Variants in ADAMTS6 observed in about 807,000 individuals in gnomAD.
ADAMTS6 encodes ADAM metallopeptidase with thrombospondin type 1 motif 6.
In ADAMTS6, 23 loss-of-function variants were observed where a neutral mutation model predicts 144.3. The observed-to-expected ratio is 0.16, with a 90% CI of 0.11 to 0.23. The LOEUF (loss-of-function observed/expected upper bound fraction) is 0.23, where lower values mean the gene tolerates loss of function less well. Among genes scored for constraint, ADAMTS6 ranks in the 10% least tolerant of loss-of-function variants. The pLI is 1.00. For synonymous variants in ADAMTS6, 444 were observed against 457.5 expected (o/e 0.97, Z 0.38); for missense variants, 999 against 1,379.6 (o/e 0.72, Z 4.37).
At chr5:65,476,718 C>T (rs569792560) in intron 1 of ADAMTS6, among the ~76,000 whole-genome samples, 1 of 152,202 alleles carries the variant, frequency 6.6e-6, no homozygotes, top group South Asian at 2.1e-4. Context: ...AAGTGATTCT[C>T]CTGCCTCAGC....
chr5:65,481,173 A>C (rs2150298374), intron 1 of ADAMTS6, among the ~76,000 whole-genome samples, 170 bp downstream of exon 1: 1 of 151,068 alleles, frequency 6.6e-6, no homozygotes, highest in South Asian at 2.1e-4. Context: ...TTAAAAAGAT[A>C]TCTATTTGTA....
At chr5:65,278,943 CTTTT>C (rs59600636) in intron 11 of ADAMTS6, among the ~76,000 whole-genome samples, 35 of 132,022 alleles carry the variant, frequency 2.7e-4, no homozygotes, top group Admixed American at 3.0e-4. Context: ...TCTTTACAGT[CTTTT>C]TTTTTTTTTT....
At chr5:65,277,779 T>C (rs969694427) in intron 11 of ADAMTS6, among the ~76,000 whole-genome samples, 6 of 152,298 alleles carry the variant, frequency 3.9e-5, no homozygotes, top group African/African-American at 1.4e-4. Context: ...AAGGGAATTT[T>C]CCTTGCCTAC....
intron 1 of ADAMTS6, among the ~76,000 whole-genome samples, chr5:65,476,841 CTG>C (rs1760870256): frequency 6.6e-6 from 1 of 152,112 alleles, no homozygotes; most frequent in African/African-American, 2.4e-5. Context: ...TCTCGATCTC[CTG>C]ACATCCTGAT....
chr5:65,461,412 C>T (rs1759631782), intron 3 of ADAMTS6, among the ~76,000 whole-genome samples: 1 of 152,060 alleles, frequency 6.6e-6, no homozygotes. Flanking sequence ...AGAAAGTGTC[C>T]CACATGTAAT....
intron 11 of ADAMTS6, among the ~76,000 whole-genome samples, chr5:65,285,300 A>G (rs1763278256): frequency 6.6e-6 from 1 of 152,090 alleles, no homozygotes; most frequent in Non-Finnish European, 1.5e-5. Context: ...CACTGGGCAC[A>G]GTGGCTTTCT....
At chr5:65,356,483 T>A (rs557890050) in intron 7 of ADAMTS6, among the ~76,000 whole-genome samples, 7 of 151,860 alleles carry the variant, frequency 4.6e-5, no homozygotes, top group African/African-American at 1.7e-4. Context: ...GCATATTTCA[T>A]AAGAATGGAA....
intron 7 of ADAMTS6, among the ~76,000 whole-genome samples, chr5:65,385,175 C>T (rs1407467519): frequency 6.6e-6 from 1 of 152,166 alleles, no homozygotes; most frequent in Non-Finnish European, 1.5e-5. Context: ...GATCATAGCA[C>T]ATTGTATCTT....
intron 13 of ADAMTS6, among the ~76,000 whole-genome samples, chr5:65,261,292 C>T (rs910720703): frequency 2.0e-4 from 30 of 152,064 alleles, no homozygotes; most frequent in African/African-American, 2.2e-4. Context: ...AACAGTAAGA[C>T]GTCAAATATT....
At chr5:65,356,231 T>C (rs1248875318) in intron 7 of ADAMTS6, among the ~76,000 whole-genome samples, 1 of 151,984 alleles carries the variant, frequency 6.6e-6, no homozygotes, top group East Asian at 1.9e-4. Flanking sequence ...TAAACAATCA[T>C]AAAAATGTTA....
At chr5:65,390,686 T>C (rs1196123171) in intron 7 of ADAMTS6, among the ~76,000 whole-genome samples, 1 of 152,218 alleles carries the variant, frequency 6.6e-6, no homozygotes, top group Non-Finnish European at 1.5e-5. Flanking sequence ...TAGGATATTA[T>C]CAATAAACTC....
At chr5:65,203,178 G>C (rs1024196742) in intron 20 of ADAMTS6, among the ~76,000 whole-genome samples, 10 of 152,178 alleles carry the variant, frequency 6.6e-5, no homozygotes, top group Non-Finnish European at 1.2e-4. Flanking sequence ...ATACTAACTA[G>C]AAATAGGAAA....
In ADAMTS6 at chr5:65,197,536, T is replaced by C. The variant is rs59371402; in HGVS notation, c.2576-385A>G. Among the ~76,000 whole-genome samples the C allele has an allele frequency of 8.6e-4, 131 of 152,360 alleles. 1 individual carries two copies. The highest frequency in any genetic ancestry group is 3.1e-3 in the African/African-American group (129 of 41,588). On this transcript the variant is annotated intron_variant, in intron 20 of 24. Transcript: ENST00000381055. ...GCATTTCAATGCAAAACAATGATTG[T>C]ATATTTATTTAAAAATAGAACAATA...
intron 22 of ADAMTS6, among the ~76,000 whole-genome samples, chr5:65,184,535 G>A (rs905486908): frequency 6.6e-6 from 1 of 152,174 alleles, no homozygotes; most frequent in Non-Finnish European, 1.5e-5. Context: ...TATAAGAAAT[G>A]TATCTTTTTC....
At chr5:65,282,646 C>T (rs891210881) in intron 11 of ADAMTS6, among the ~76,000 whole-genome samples, 12 of 151,968 alleles carry the variant, frequency 7.9e-5, no homozygotes, top group Admixed American at 3.9e-4. Flanking sequence ...GCCTGCTATC[C>T]GTCATGTGAT....
At chr5:65,330,492 C>T (rs1046963248) in intron 8 of ADAMTS6, among the ~76,000 whole-genome samples, 1 of 152,080 alleles carries the variant, frequency 6.6e-6, no homozygotes, top group African/African-American at 2.4e-5. Context: ...TTAATAATTA[C>T]TTTCCCACCA....
At chr5:65,395,181 A>G (rs1753237089) in intron 7 of ADAMTS6, among the ~76,000 whole-genome samples, 1 of 152,164 alleles carries the variant, frequency 6.6e-6, no homozygotes, top group Admixed American at 6.5e-5. Flanking sequence ...TAAGGAACCA[A>G]GATTCAGGTG....
chr5:65,352,698 G>A (rs1748975321), intron 7 of ADAMTS6, among the ~76,000 whole-genome samples: 5 of 151,992 alleles, frequency 3.3e-5, no homozygotes, highest in Admixed American at 3.3e-4. Flanking sequence ...ATACCACAGA[G>A]CATATATATA....
intron 7 of ADAMTS6, among the ~76,000 whole-genome samples, chr5:65,370,565 G>A (rs368937044): frequency 2.3e-3 from 353 of 152,306 alleles, no homozygotes; most frequent in African/African-American, 7.6e-3. Flanking sequence ...GCGCTTTTCC[G>A]ACGGGCTTAA....
Sources: gnomAD v4.1 joint callset for allele counts (sites outside exome capture counted in the v4.1 genomes callset) on GRCh38, gnomAD v4.1.1 for gene constraint, MANE v1.5 for transcripts, NCBI Gene and HGNC (gene_info 2026-07-23, HGNC 2026-07-21) for gene names.